Variants in POU2F3 observed in about 807,000 individuals in gnomAD.
POU2F3 encodes POU domain, class 2, transcription factor 3.
Under a neutral mutation model 59.2 loss-of-function variants are expected in POU2F3, and 23 were observed. That is an observed-to-expected ratio of 0.39 (90% CI 0.28 to 0.55). The LOEUF is 0.55. POU2F3 is among the 20% of genes least tolerant of loss of function. POU2F3 has a pLI of 0.66. For synonymous variants in POU2F3, 190 were observed against 214.6 expected, an observed-to-expected ratio of 0.89 and a Z score of 1.00; for missense variants, 473 against 544.5, an observed-to-expected ratio of 0.87 and a Z score of 1.31.
chr11:120,316,837 T>C (rs1203850209), intron 11 of POU2F3, among the ~76,000 whole-genome samples: 1 of 152,224 alleles, frequency 6.6e-6, no homozygotes, highest in Non-Finnish European at 1.5e-5. Context: ...TTCTCCCCTA[T>C]GCACTTGCCT....
upstream of POU2F3, among the ~76,000 whole-genome samples, chr11:120,237,799 G>A (rs1655176995): frequency 1.3e-5 from 2 of 152,118 alleles, no homozygotes; most frequent in South Asian, 4.2e-4. Flanking sequence ...ACCTGAAGTT[G>A]GGGAGGAGAA....
chr11:120,298,538 A>G, intron 4 of POU2F3, 148 bp downstream of exon 4: 1 of 1,146,472 alleles, frequency 8.7e-7, no homozygotes, highest in South Asian at 1.7e-5. Context: ...GTTCTAAAAC[A>G]GTCCTCTTAC....
chr11:120,236,759 G>C (rs1291158949), upstream of POU2F3: 58 of 1,410,566 alleles, frequency 4.1e-5, no homozygotes, highest in Non-Finnish European at 5.3e-5. Context: ...GAAATGATCA[G>C]TGAGCAAGTC....
At chr11:120,264,633 A>C (rs1403377576) in intron 2 of POU2F3, among the ~76,000 whole-genome samples, 1 of 152,226 alleles carries the variant, frequency 6.6e-6, no homozygotes, top group East Asian at 1.9e-4. Context: ...CCTAGCCATC[A>C]GCTTATCTCA....
In POU2F3 at chr11:120,246,482, C is replaced by T. The variant is rs372245806; in HGVS notation, c.62C>T (p.Thr21Met). ...IKMSGDVADS[T>M]DARSTLSQVE... is the part of the protein sequence containing the mutation. ...ATGAGTGGGGATGTAGCCGATTCCA[C>T]GGATGCTCGCAGCACTCTCAGCCAG... Residue 21 changes from threonine to methionine, a missense_variant, in exon 2 of 13, where the codon ACG becomes ATG. Thr to Met is a moderately conservative substitution (Grantham distance 81, BLOSUM62 -1). Transcript: ENST00000543440. 2.9e-5 allele frequency: 46 copies of T among 1,613,022 alleles called. No homozygotes were observed. Among genetic ancestry groups the T allele is most frequent in the African/African-American group, 1.6e-4 (12 of 74,562 alleles).
At chr11:120,267,861 G>A (rs1233045788) in intron 2 of POU2F3, among the ~76,000 whole-genome samples, 4 of 97,090 alleles carry the variant, frequency 4.1e-5, no homozygotes, top group Non-Finnish European at 7.4e-5. Flanking sequence ...GGCTCTGAGG[G>A]TACCGTATTT....
At chr11:120,238,131 T>TCGGGAGG (rs1938545423), upstream of POU2F3, among the ~76,000 whole-genome samples, 1 of 151,898 alleles carries the variant, frequency 6.6e-6, no homozygotes, top group Admixed American at 6.6e-5. Context: ...TCCCAGCTAC[T>TCGGGAGG]CGGGAGGCTG....
intron 2 of POU2F3, among the ~76,000 whole-genome samples, chr11:120,262,664 TGA>T (rs1352588211): frequency 4.8e-4 from 73 of 152,370 alleles, no homozygotes; most frequent in African/African-American, 1.7e-3. Flanking sequence ...GTATCAGCTA[TGA>T]TTATTTCTAT....
intron 12 of POU2F3, 51 bp from the exon 13 acceptor site, chr11:120,318,302 C>A: frequency 6.5e-7 from 1 of 1,535,388 alleles, no homozygotes; most frequent in Non-Finnish European, 9.0e-7. Flanking sequence ...CCATTCCCAT[C>A]TTACGCCATC....
At chr11:120,243,645 G>T (rs1938759752) in intron 1 of POU2F3, among the ~76,000 whole-genome samples, 1 of 152,212 alleles carries the variant, frequency 6.6e-6, no homozygotes, top group Non-Finnish European at 1.5e-5. Flanking sequence ...TGTCCGACAG[G>T]TGAAGGGTTA....
upstream of POU2F3, chr11:120,236,679 G>A (rs1443797600): frequency 6.6e-6 from 10 of 1,505,154 alleles, no homozygotes; most frequent in African/African-American, 8.3e-5. Flanking sequence ...GTTTCATGGA[G>A]TCTCCAAGAA....
At chr11:120,314,601 C>T (rs575884018) in intron 10 of POU2F3, among the ~76,000 whole-genome samples, 3 of 152,310 alleles carry the variant, frequency 2.0e-5, no homozygotes, top group East Asian at 3.9e-4. Context: ...GGTTAGATAA[C>T]TTGCCCAAAG....
intron 3 of POU2F3, among the ~76,000 whole-genome samples, chr11:120,281,154 A>G (rs1036195268): frequency 5.3e-5 from 8 of 151,936 alleles, no homozygotes; most frequent in African/African-American, 1.5e-4. Context: ...TTTGGAGGCC[A>G]CCCTGGGGCT....
chr11:120,258,473 A>C (rs1200224744), intron 2 of POU2F3, among the ~76,000 whole-genome samples: 2 of 151,824 alleles, frequency 1.3e-5, no homozygotes, highest in African/African-American at 4.8e-5. Context: ...CCTTTCTGGG[A>C]CTCAGTTTCC....
At chr11:120,236,702 G>C (rs882856), upstream of POU2F3, 20 of 1,495,542 alleles carry the variant, frequency 1.3e-5, no homozygotes, top group South Asian at 3.6e-5. Context: ...GCTAAAGGAG[G>C]AAGGGGTAAA....
upstream of POU2F3, among the ~76,000 whole-genome samples, chr11:120,240,009 C>T (rs1053283731): frequency 1.3e-5 from 2 of 152,144 alleles, no homozygotes; most frequent in South Asian, 2.1e-4. Flanking sequence ...GCAGCACCCC[C>T]GGCCCCCTCC....
chr11:120,305,839 GC>G, intron 8 of POU2F3, 54 bp downstream of exon 8: 2 of 1,597,444 alleles, frequency 1.3e-6, no homozygotes, highest in South Asian at 2.2e-5. Flanking sequence ...GCAGGGAAGG[GC>G]CAGTGACTTG....
At chr11:120,282,140 CCTT>C (rs1440622494) in intron 3 of POU2F3, among the ~76,000 whole-genome samples, 5 of 152,164 alleles carry the variant, frequency 3.3e-5, no homozygotes, top group African/African-American at 7.2e-5. Flanking sequence ...CAACTGCTGG[CCTT>C]CTTCTGAGTG....
chr11:120,249,628 T>A (rs563149001), intron 2 of POU2F3: 2 of 152,186 alleles, frequency 1.3e-5, no homozygotes, highest in Non-Finnish European at 2.9e-5. Flanking sequence ...AACCCCCAAG[T>A]GCAGATGTGG....
Sources: allele counts gnomAD v4.1 joint callset (sites outside exome capture counted in the v4.1 genomes callset), GRCh38; gene constraint gnomAD v4.1.1; transcripts MANE v1.5; gene names NCBI Gene and HGNC (gene_info 2026-07-23, HGNC 2026-07-21).